The following RARB variants were observed in gnomAD, a reference collection of about 807,000 sequenced individuals.
RARB encodes the protein HBV-activated protein.
RARB carries 17 observed loss-of-function variants against 51.9 expected under a neutral mutation model. The observed-to-expected ratio is 0.33, with a 90% CI of 0.22 to 0.49. RARB has a LOEUF of 0.49. Ranked by LOEUF, RARB falls within the 20% of genes least tolerant of loss-of-function variation. RARB has a pLI of 0.99. For synonymous variants in RARB, 215 were observed against 195.4 expected, an observed-to-expected ratio of 1.10 and a Z score of -0.84; for missense variants, 369 against 550.8, an observed-to-expected ratio of 0.67 and a Z score of 3.30.
At chr3:25,039,692 T>G (rs1157829365) in intron 2 of RARB, among the ~76,000 whole-genome samples, 1 of 152,200 alleles carries the variant, frequency 6.6e-6, no homozygotes, top group Non-Finnish European at 1.5e-5. Context: ...GCCTCTTTTA[T>G]TGTAATAAAT....
At chr3:25,249,332 A>T (rs1702647077) in intron 5 of RARB, among the ~76,000 whole-genome samples, 1 of 151,824 alleles carries the variant, frequency 6.6e-6, no homozygotes, top group South Asian at 2.1e-4. Flanking sequence ...TATATCCTTG[A>T]TTATTTTTCT....
chr3:25,319,334 T>C (rs370889032), intron 5 of RARB, among the ~76,000 whole-genome samples: 15 of 152,262 alleles, frequency 9.9e-5, no homozygotes, highest in African/African-American at 3.4e-4. Context: ...TGTGGGAGTA[T>C]CTTAATAGCA....
chr3:25,563,313 A>T (rs1249160448), intron 3 of RARB, among the ~76,000 whole-genome samples: 1 of 152,194 alleles, frequency 6.6e-6, no homozygotes, highest in Admixed American at 6.5e-5. Context: ...CATTCAACAC[A>T]TACTCTTCGG....
chr3:25,066,803 C>T (rs988815988), intron 3 of RARB, among the ~76,000 whole-genome samples: 8 of 151,910 alleles, frequency 5.3e-5, no homozygotes, highest in Admixed American at 3.3e-4. Flanking sequence ...TATTATACTC[C>T]TTTGTCCTCA....
chr3:25,244,273 T>TTA (rs771736742), intron 5 of RARB, among the ~76,000 whole-genome samples: 1 of 49,496 alleles, frequency 2.0e-5, no homozygotes, highest in African/African-American at 1.1e-4. Flanking sequence ...AATTCATTGA[T>TTA]TTTTTTTTTT....
intron 5 of RARB, among the ~76,000 whole-genome samples, chr3:25,397,378 G>C (rs1279564464): frequency 1.3e-5 from 2 of 152,164 alleles, no homozygotes; most frequent in Non-Finnish European, 2.9e-5. Context: ...GGCACTCAGA[G>C]TTTTTCGGCT....
At chr3:24,832,748 G>A (rs142373493) in intron 1 of RARB, among the ~76,000 whole-genome samples, 1,857 of 150,602 alleles carry the variant, frequency 0.012, 25 homozygotes, top group South Asian at 0.016. Flanking sequence ...CCTAGAACTT[G>A]GGAATGAAAT....
intron 3 of RARB, among the ~76,000 whole-genome samples, chr3:25,566,275 G>A (rs1488568945): frequency 6.6e-6 from 1 of 152,148 alleles, no homozygotes; most frequent in African/African-American, 2.4e-5. Flanking sequence ...TATGTAATTG[G>A]GGCATCATCA....
At chr3:25,203,841 C>A (rs1701458923) in intron 5 of RARB, among the ~76,000 whole-genome samples, 1 of 152,266 alleles carries the variant, frequency 6.6e-6, no homozygotes, top group Non-Finnish European at 1.5e-5. Flanking sequence ...GTAACCTGAC[C>A]TTTCTCTCTG....
At chr3:25,305,458 G>C (rs1704132512) in intron 5 of RARB, among the ~76,000 whole-genome samples, 1 of 152,174 alleles carries the variant, frequency 6.6e-6, no homozygotes. Flanking sequence ...CAGTTTGCTT[G>C]TTTAAAGGCT....
At chr3:25,143,705 G>T (rs926878384) in intron 4 of RARB, among the ~76,000 whole-genome samples, 3 of 152,206 alleles carry the variant, frequency 2.0e-5, no homozygotes, top group Non-Finnish European at 4.4e-5. Context: ...TAACTCAGTG[G>T]ATGAGTATGC....
intron 2 of RARB, among the ~76,000 whole-genome samples, chr3:24,978,210 C>CT (rs201516449): frequency 0.019 from 2,826 of 150,738 alleles, 79 homozygotes; most frequent in African/African-American, 0.063. Context: ...GCCTAAGATT[C>CT]TTTTTTTTTG....
chr3:25,226,028 A>G (rs908755353), intron 5 of RARB, among the ~76,000 whole-genome samples: 9 of 152,216 alleles, frequency 5.9e-5, no homozygotes, highest in Non-Finnish European at 2.9e-5. Flanking sequence ...TTCATAGATA[A>G]TTATAATTGA....
rs1490696910 is a variant in RARB, at chr3:25,532,057, A to C, written c.448+30734A>C. Reference sequence around the variant, plus strand: ...TGTTTAAGGCTGAAATAATGGTTCTATACAGCTCTTGACATGATTTATTTT... The same window carrying C: ...TGTTTAAGGCTGAAATAATGGTTCTCTACAGCTCTTGACATGATTTATTTT... On this transcript the variant is annotated intron_variant, in intron 3 of 7. Transcript: ENST00000330688. 3.9e-5 allele frequency among the ~76,000 whole-genome samples: 6 copies of C among 152,284 alleles called. No individual in the cohort carries two copies. The East Asian group carries it at 1.2e-3, about 29-fold the overall frequency.
intron 2 of RARB, among the ~76,000 whole-genome samples, chr3:24,924,419 A>G (rs1029434170): frequency 5.3e-5 from 8 of 152,136 alleles, no homozygotes; most frequent in African/African-American, 2.4e-5. Flanking sequence ...GACAATGAAA[A>G]TGTTTATATC....
At chr3:24,839,818 C>T (rs2125329771) in intron 1 of RARB, among the ~76,000 whole-genome samples, 1 of 151,838 alleles carries the variant, frequency 6.6e-6, no homozygotes, top group African/African-American at 2.4e-5. Context: ...AGAGAATATC[C>T]TTTTAAAATG....
At chr3:24,890,587 T>TG (rs1703359011) in intron 2 of RARB, among the ~76,000 whole-genome samples, 1 of 152,098 alleles carries the variant, frequency 6.6e-6, no homozygotes, top group African/African-American at 2.4e-5. Context: ...CATCTCTTGG[T>TG]GGGGGGCAAC....
At chr3:25,339,548 C>T (rs147102666) in intron 5 of RARB, among the ~76,000 whole-genome samples, 1 of 151,532 alleles carries the variant, frequency 6.6e-6, no homozygotes, top group African/African-American at 2.4e-5. Flanking sequence ...GTTTGTTTCT[C>T]AATTAAATTC....
intron 5 of RARB, among the ~76,000 whole-genome samples, chr3:25,353,051 A>T (rs1705624485): frequency 6.6e-6 from 1 of 152,206 alleles, no homozygotes; most frequent in African/African-American, 2.4e-5. Flanking sequence ...GTAATACGTG[A>T]GGCACTTAGA....
Sources: allele counts gnomAD v4.1 joint callset (sites outside exome capture counted in the v4.1 genomes callset), GRCh38; gene constraint gnomAD v4.1.1; transcripts MANE v1.5; gene names NCBI Gene and HGNC (gene_info 2026-07-23, HGNC 2026-07-21).